Variants in CSMD1 observed in about 807,000 individuals in gnomAD.
The protein encoded by CSMD1 is CUB and Sushi multiple domains 1.
Under a neutral mutation model 417.5 loss-of-function variants are expected in CSMD1, and 213 were observed. The observed-to-expected ratio is 0.51, with a 90% confidence interval of 0.46 to 0.57. The LOEUF (loss-of-function observed/expected upper bound fraction) is 0.57, where lower values mean the gene tolerates loss of function less well. Ranked by LOEUF, CSMD1 falls within the 20% of genes least tolerant of loss-of-function variation. The pLI is 0.00. For missense variants in CSMD1, 6,923 were observed against 4,529.7 expected (o/e 1.53, Z -15.17); for synonymous variants, 2,862 against 1,736.8 (o/e 1.65, Z -16.11).
At chr8:3,956,189 T>G (rs563237521) in intron 5 of CSMD1, among the ~76,000 whole-genome samples, 1 of 152,234 alleles carries the variant, frequency 6.6e-6, no homozygotes, top group Non-Finnish European at 1.5e-5. Context: ...TTTGGGGTAT[T>G]AACCATAACT....
intron 11 of CSMD1, among the ~76,000 whole-genome samples, chr8:3,473,954 T>G (rs1045011276): frequency 1.3e-5 from 2 of 151,924 alleles, no homozygotes; most frequent in Non-Finnish European, 1.5e-5. Flanking sequence ...AGGGAGGAAA[T>G]GTCAAACATA....
intron 49 of CSMD1, among the ~76,000 whole-genome samples, chr8:3,081,510 T>G (rs936206617): frequency 6.6e-6 from 1 of 152,206 alleles, no homozygotes; most frequent in African/African-American, 2.4e-5. Flanking sequence ...ATAAAATAAT[T>G]AAATAACTAT....
At chr8:3,319,967 C>G (rs1027647533) in intron 23 of CSMD1, among the ~76,000 whole-genome samples, 1 of 152,112 alleles carries the variant, frequency 6.6e-6, no homozygotes, top group Non-Finnish European at 1.5e-5. Flanking sequence ...TCACCTTAGA[C>G]TTAAGTCTCT....
chr8:3,449,934 G>T (rs914090959), intron 12 of CSMD1, among the ~76,000 whole-genome samples: 1 of 152,212 alleles, frequency 6.6e-6, no homozygotes, highest in African/African-American at 2.4e-5. Flanking sequence ...TATTGCTCCA[G>T]TCTTAAGACT....
At chr8:4,772,849 T>C (rs1456582458) in intron 1 of CSMD1, among the ~76,000 whole-genome samples, 4 of 152,194 alleles carry the variant, frequency 2.6e-5, no homozygotes, top group Non-Finnish European at 5.9e-5. Flanking sequence ...TGTCTGCTTC[T>C]GAATCATTCC....
intron 3 of CSMD1, among the ~76,000 whole-genome samples, chr8:4,072,890 G>C (rs1024094214): frequency 1.3e-5 from 2 of 152,072 alleles, no homozygotes; most frequent in African/African-American, 4.8e-5. Context: ...ATGTACAGTG[G>C]AAAAAGTCAA....
intron 4 of CSMD1, among the ~76,000 whole-genome samples, chr8:4,031,602 G>T (rs1446688653): frequency 6.6e-6 from 1 of 152,010 alleles, no homozygotes; most frequent in Non-Finnish European, 1.5e-5. Flanking sequence ...TCATAAACTT[G>T]CTATTGACTT....
At chr8:3,610,036 G>A (rs139431581) in intron 8 of CSMD1, among the ~76,000 whole-genome samples, 1 of 151,576 alleles carries the variant, frequency 6.6e-6, no homozygotes, top group Non-Finnish European at 1.5e-5. Flanking sequence ...TCCTGACCTC[G>A]AGATTCACCC....
intron 26 of CSMD1, among the ~76,000 whole-genome samples, chr8:3,239,148 G>T (rs184191858): frequency 1.3e-5 from 2 of 152,250 alleles, no homozygotes; most frequent in African/African-American, 4.8e-5. Flanking sequence ...TTAAGTGGTG[G>T]CTGAGCTTGG....
chr8:4,456,846 G>C (rs1405003311), intron 2 of CSMD1, among the ~76,000 whole-genome samples: 1 of 151,974 alleles, frequency 6.6e-6, no homozygotes, highest in African/African-American at 2.4e-5. Context: ...GACCCATCCT[G>C]ACCAAGCCTG....
chr8:4,787,978 G>C lies in CSMD1; in HGVS notation c.86-150420C>G, dbSNP rs1797498649. ...AGACTCTGGCCATCAGGAGATCGAA[G>C]CCAACAGAAAGACAAACAGTGTTAT... On this transcript the variant is annotated intron_variant, in intron 1 of 69. Transcript: ENST00000635120. 5 of 1,595,128 alleles carry C rather than the reference G, an allele frequency of 3.1e-6. No individual in the cohort carries two copies. In the Admixed American group the frequency reaches 8.6e-5, roughly 28 times the overall value.
At chr8:3,536,632 G>A (rs1214259011) in intron 10 of CSMD1, among the ~76,000 whole-genome samples, 1 of 152,164 alleles carries the variant, frequency 6.6e-6, no homozygotes, top group Non-Finnish European at 1.5e-5. Context: ...TCAGAAGTGT[G>A]AGCTGTCACT....
At chr8:4,982,711 A>G (rs926463187) in intron 1 of CSMD1, among the ~76,000 whole-genome samples, 9 of 152,226 alleles carry the variant, frequency 5.9e-5, no homozygotes, top group African/African-American at 2.2e-4. Context: ...ATCCATCATA[A>G]AAACTGAAAG....
intron 2 of CSMD1, among the ~76,000 whole-genome samples, chr8:4,450,219 G>C (rs1290473508): frequency 6.6e-6 from 1 of 152,234 alleles, no homozygotes; most frequent in African/African-American, 2.4e-5. Flanking sequence ...ACCTATATGT[G>C]AGGGAGACTA....
chr8:4,229,345 A>G (rs1351900315), intron 3 of CSMD1, among the ~76,000 whole-genome samples: 1 of 152,092 alleles, frequency 6.6e-6, no homozygotes, highest in Non-Finnish European at 1.5e-5. Context: ...CTTCTTTCTT[A>G]TCCACTTTTG....
intron 23 of CSMD1, among the ~76,000 whole-genome samples, chr8:3,328,934 T>G (rs775616509): frequency 6.6e-6 from 1 of 152,206 alleles, no homozygotes; most frequent in Non-Finnish European, 1.5e-5. Flanking sequence ...TATTATAACG[T>G]GCTTGGGCTC....
At chr8:4,633,967 T>C (rs1004491769) in intron 2 of CSMD1, among the ~76,000 whole-genome samples, 1 of 151,036 alleles carries the variant, frequency 6.6e-6, no homozygotes, top group Admixed American at 6.6e-5. Context: ...AGTTCAGCTG[T>C]TTAAAACAGC....
intron 3 of CSMD1, among the ~76,000 whole-genome samples, chr8:4,044,836 A>G (rs1400976633): frequency 8.3e-6 from 1 of 120,886 alleles, no homozygotes; most frequent in Non-Finnish European, 1.9e-5. Flanking sequence ...GTAGCACCCC[A>G]GGCTTGTACC....
chr8:3,161,800 G>A (rs17079504), intron 38 of CSMD1, among the ~76,000 whole-genome samples: 43,905 of 151,946 alleles, frequency 0.29, 8,684 homozygotes, highest in African/African-American at 0.57. Flanking sequence ...CAGTTTGCAG[G>A]GTAGCAGGTG....
Sources: gnomAD v4.1 joint callset for allele counts (sites outside exome capture counted in the v4.1 genomes callset) on GRCh38, gnomAD v4.1.1 for gene constraint, MANE v1.5 for transcripts, NCBI Gene and HGNC (gene_info 2026-07-23, HGNC 2026-07-21) for gene names.